Variants in ZC3H12A observed in about 807,000 individuals in gnomAD.
The protein encoded by ZC3H12A is endoribonuclease ZC3H12A.
A neutral mutation model predicts 29.9 loss-of-function variants in ZC3H12A; 9 were observed. The observed-to-expected ratio is 0.30, with a 90% CI of 0.18 to 0.53. The LOEUF (loss-of-function observed/expected upper bound fraction) is 0.53, where lower values mean the gene tolerates loss of function less well. Ranked by LOEUF, ZC3H12A falls within the 20% of genes least tolerant of loss-of-function variation. The pLI is 0.96. For synonymous variants in ZC3H12A, 323 were observed against 338.1 expected (o/e 0.96, Z 0.49); for missense variants, 617 against 799.0 (o/e 0.77, Z 2.75).
At position 37,475,541 on chromosome 1, in the gene ZC3H12A, C is replaced by T. The variant is rs1205138757; in HGVS notation, c.45C>T (p.Pro15=). ...AGAAGCCTGTCCTGGAAGCCAGCCC[C>T]ACCATGAGTCTGTGGGAATTTGAGG... is the stretch of plus-strand genomic sequence containing the variant. The part of the protein sequence containing the change: ...CGEKPVLEAS[P]TMSLWEFEDS... Residue 15 remains proline (P), a synonymous_variant, in exon 2 of 6, where the codon CCC becomes CCT. Coordinates refer to ENST00000373087, the MANE Select transcript of ZC3H12A (RefSeq NM_025079.3). This position sits in a 1 kb window ranked among gnomAD's most constrained non-coding sequence, Gnocchi z 5.2. The T allele has an allele frequency of 2.5e-6, 4 of 1,613,272 alleles. No homozygotes were observed. Among genetic ancestry groups the T allele is most frequent in the Admixed American group, 1.7e-5 (1 of 60,008 alleles).
chr1:37,476,787 C>T lies in ZC3H12A; in HGVS notation c.443+848C>T, dbSNP rs1398886101. On this transcript the variant is annotated intron_variant, in intron 2 of 5. Transcript: ENST00000373087. The surrounding 1 kb of genome is among the most constrained non-coding windows in gnomAD (Gnocchi z 6.0). ...CTCTGGCCCCACTTTTTTCCCAGTT[C>T]CCTCCAAGGCAGGCTGATGAGTCAG... Among the ~76,000 whole-genome samples the T allele has an allele frequency of 6.6e-6, 1 of 152,224 alleles. No individual in the cohort carries two copies. The highest frequency in any genetic ancestry group is 2.4e-5 in the African/African-American group (1 of 41,458).
rs576897855 is a variant in ZC3H12A at position 37,476,106 on chromosome 1, G to A, written c.443+167G>A. 1.9e-4 allele frequency among the ~76,000 whole-genome samples: 29 copies of A among 152,278 alleles called. No homozygotes were observed. Among genetic ancestry groups the A allele is most frequent in the Admixed American group, 7.8e-4 (12 of 15,294 alleles). On this transcript the variant is annotated intron_variant, in intron 2 of 5. Coordinates refer to ENST00000373087, the MANE Select transcript of ZC3H12A (RefSeq NM_025079.3). The surrounding 1 kb of genome is among the most constrained non-coding windows in gnomAD (Gnocchi z 6.0). Reference sequence around the variant, plus strand: ...AAGCCTTTTATGAGGCTAGGGTCGCGCTACTGGTAAGTGACAGAGGCAGGG... The same window carrying A: ...AAGCCTTTTATGAGGCTAGGGTCGCACTACTGGTAAGTGACAGAGGCAGGG...
At chr1:37,481,884 G>A (rs1348760170) in intron 4 of ZC3H12A, 49 bp downstream of exon 4, 1 of 1,563,216 alleles carries the variant, frequency 6.4e-7, no homozygotes, top group Non-Finnish European at 8.7e-7. Flanking sequence ...CACAGGGGAA[G>A]CCAGAGGTGC....
At chr1:37,480,875 T>C (rs1295948917) in intron 3 of ZC3H12A, among the ~76,000 whole-genome samples, 2 of 152,240 alleles carry the variant, frequency 1.3e-5, no homozygotes, top group African/African-American at 4.8e-5. Context: ...GTTGACAGCA[T>C]TGCCTTCCTC....
chr1:37,483,125 G>C lies in ZC3H12A; in HGVS notation c.1314G>C (p.Ser438=). The change falls in exon 6 of 6, where the codon TCG becomes TCC. Residue 438 remains serine (S), a synonymous_variant. Coordinates refer to ENST00000373087, the MANE Select transcript of ZC3H12A (RefSeq NM_025079.3). The part of the protein sequence containing the change: ...LPYVSQDCLD[S]GIGSLESQMS... ...ACGTCTCCCAGGATTGCCTGGACTC[G>C]GGCATTGGCTCCCTGGAGAGCCAGA... The C allele has an allele frequency of 6.2e-7, 1 of 1,613,538 alleles. No individual in the cohort carries two copies. The highest frequency in any genetic ancestry group is 8.5e-7 in the Non-Finnish European group (1 of 1,179,924).
rs1034253932 is a variant in ZC3H12A at position 37,479,865 on chromosome 1, C to T, written c.444-425C>T. 2.4e-5 allele frequency: 24 copies of T among 1,005,826 alleles called. No homozygotes were observed. In the Admixed American group the frequency reaches 9.9e-4, roughly 41 times the overall value. The allele number at this position is 1,005,826 out of a possible 1,614,324, so 62.3% of individuals were successfully genotyped here. A position where few individuals can be genotyped will look rare whatever the true frequency, so the allele number is the denominator to read the frequency against. On this transcript the variant is annotated intron_variant, in intron 2 of 5. Coordinates refer to ENST00000373087, the MANE Select transcript of ZC3H12A (RefSeq NM_025079.3). This position sits in a 1 kb window ranked among gnomAD's most constrained non-coding sequence, Gnocchi z 4.5. ...ATGTGTACATCTGTCCCTGTGGTCCCGGCAGCTCGCCGGGTGGGGCAGGAA... is the reference window on the plus strand; with the variant it reads ...ATGTGTACATCTGTCCCTGTGGTCCTGGCAGCTCGCCGGGTGGGGCAGGAA...
At position 37,483,604 on chromosome 1, in the gene ZC3H12A, G is replaced by A; in HGVS notation, c.1793G>A (p.Ser598Asn). 1.2e-6 allele frequency: 2 copies of A among 1,604,542 alleles called. No homozygotes were observed. Among genetic ancestry groups the A allele is most frequent in the Non-Finnish European group, 1.7e-6 (2 of 1,176,102 alleles). Residue 598 changes from serine to asparagine, a missense_variant, in exon 6 of 6, where the codon AGT (serine) becomes AAT (asparagine). By Grantham distance (46) the Ser-to-Asn change is conservative (BLOSUM62 1). Transcript: ENST00000373087. ...CTCTCCTACAAGTCCCAGCACCCCA[G>A]TGAGTAAGCTGCCTGTGGCTGGCAA... ...EILSYKSQHP[S>N]E
At chr1:37,481,315 C>T (rs1012622009) in intron 3 of ZC3H12A, among the ~76,000 whole-genome samples, 1 of 152,242 alleles carries the variant, frequency 6.6e-6, no homozygotes, top group Non-Finnish European at 1.5e-5. Context: ...CTTGAACAGG[C>T]CTGATGTCCA....
chr1:37,484,346 C>G lies in ZC3H12A; in HGVS notation c.*735C>G, dbSNP rs897926458. 6.6e-6 allele frequency: 1 copy of G among 152,218 alleles called. No homozygotes were observed. Among genetic ancestry groups the G allele is most frequent in the Non-Finnish European group, 1.5e-5 (1 of 68,050 alleles). The allele number at this position is 152,218 out of a possible 1,614,324, so 9.4% of individuals were successfully genotyped here. ...AAAGTCCTTACCTCCTGTAACACAT[C>G]AATAAAGTACAATCATTGTGAGCCC... On this transcript the variant is annotated 3_prime_UTR_variant, in exon 6 of 6. Coordinates refer to ENST00000373087, the MANE Select transcript of ZC3H12A (RefSeq NM_025079.3).
In ZC3H12A at chr1:37,483,171, C is replaced by G. The variant is rs1267108319; in HGVS notation, c.1360C>G (p.Arg454Gly). 1.9e-6 allele frequency: 3 copies of G among 1,613,320 alleles called. No homozygotes were observed. Among genetic ancestry groups the G allele is most frequent in the African/African-American group, 2.7e-5 (2 of 74,904 alleles). ...CCAGATGTCGGAACTTTGGGGGGTT[C>G]GAGGAGGAGGCCCTGGTGAGCCGGG... The part of the protein sequence containing the change: ...ESQMSELWGV[R>G]GGGPGEPGPP... The change falls in exon 6 of 6, where the codon CGA becomes GGA. Residue 454 changes from arginine to glycine, a missense_variant. By Grantham distance (125) the Arg-to-Gly change is moderately radical. Transcript: ENST00000373087.
chr1:37,476,532 C>G lies in ZC3H12A; in HGVS notation c.443+593C>G, dbSNP rs1043045658. ...GGTTGTGGGCAGGTGGCCTGATGCT[C>G]TGGCCTCAGGCGAGCTGCAACTTGG... On this transcript the variant is annotated intron_variant, in intron 2 of 5. Coordinates refer to ENST00000373087, the MANE Select transcript of ZC3H12A (RefSeq NM_025079.3). This position sits in a 1 kb window ranked among gnomAD's most constrained non-coding sequence, Gnocchi z 6.0. 6.6e-6 allele frequency among the ~76,000 whole-genome samples: 1 copy of G among 152,188 alleles called. No individual in the cohort carries two copies. The highest frequency in any genetic ancestry group is 1.5e-5 in the Non-Finnish European group (1 of 68,034).
In ZC3H12A at chr1:37,475,742, G is replaced by A; in HGVS notation, c.246G>A (p.Leu82=). Residue 82 remains leucine (L), a synonymous_variant, in exon 2 of 6, where the codon CTG becomes CTA. Transcript: ENST00000373087. This position sits in a 1 kb window ranked among gnomAD's most constrained non-coding sequence, Gnocchi z 5.2. ...TCCAGGCAGACACCAACACGGTGCT[G>A]GGTGAGCTGGTGAAACACGGGACAG... ...LGVQADTNTV[L]GELVKHGTAT... 4 of 1,613,926 alleles carry A rather than the reference G, an allele frequency of 2.5e-6. No homozygotes were observed. Among genetic ancestry groups the A allele is most frequent in the Non-Finnish European group, 3.4e-6 (4 of 1,180,028 alleles).
At position 37,484,358 on chromosome 1, in the gene ZC3H12A, A is replaced by G. The variant is rs931463567; in HGVS notation, c.*747A>G. On this transcript the variant is annotated 3_prime_UTR_variant, in exon 6 of 6. Coordinates refer to ENST00000373087, the MANE Select transcript of ZC3H12A (RefSeq NM_025079.3). The stretch of plus-strand genomic sequence containing the variant: ...TCCTGTAACACATCAATAAAGTACA[A>G]TCATTGTGAGCCCTTTCAAGAGGTG... 2.0e-5 allele frequency: 3 copies of G among 152,160 alleles called. No individual in the cohort carries two copies. The highest frequency in any genetic ancestry group is 1.3e-4 in the Admixed American group (2 of 15,276). The allele number at this position is 152,160 out of a possible 1,614,324, so 9.4% of individuals were successfully genotyped here.
intron 4 of ZC3H12A, 123 bp from the exon 5 acceptor site, chr1:37,482,311 A>G (rs961682190): frequency 6.0e-6 from 5 of 826,790 alleles, no homozygotes; most frequent in Middle Eastern, 5.4e-4. Context: ...GGTCCTGGAC[A>G]GGCCCCAGTT....
rs1042368513 is a variant in ZC3H12A at position 37,479,505 on chromosome 1, G to A, written c.444-785G>A. The A allele has an allele frequency of 3.0e-6, 3 of 985,458 alleles. No individual in the cohort carries two copies. The highest frequency in any genetic ancestry group is 3.6e-6 in the Non-Finnish European group (3 of 829,932). 61.0% of individuals were successfully genotyped at this position (985,458 alleles called of 1,614,324 possible). A position where few individuals can be genotyped will look rare whatever the true frequency, so the allele number is the denominator to read the frequency against. On this transcript the variant is annotated intron_variant, in intron 2 of 5. Transcript: ENST00000373087. This position sits in a 1 kb window ranked among gnomAD's most constrained non-coding sequence, Gnocchi z 4.5. ...TGCCTTACTCAGCTGTCCTTGCTAA[G>A]AGTCCCCTAGCATCTTCCTGATGGT...
chr1:37,479,451 G>T lies in ZC3H12A; in HGVS notation c.444-839G>T. ...GTGCAGCCACCTGTGGGTGGGGCGC[G>T]GCCTCGTCTGAGACCAAGGCAGGGC... On this transcript the variant is annotated intron_variant, in intron 2 of 5. Transcript: ENST00000373087. The surrounding 1 kb of genome is among the most constrained non-coding windows in gnomAD (Gnocchi z 4.5). 1 of 985,436 alleles carries T rather than the reference G, an allele frequency of 1.0e-6. No individual in the cohort carries two copies. The highest frequency in any genetic ancestry group is 1.2e-6 in the Non-Finnish European group (1 of 829,940). 61.0% of individuals were successfully genotyped at this position (985,436 alleles called of 1,614,324 possible). A position where few individuals can be genotyped will look rare whatever the true frequency, so the allele number is the denominator to read the frequency against.
At position 37,479,997 on chromosome 1, in the gene ZC3H12A, C is replaced by T; in HGVS notation, c.444-293C>T. 1 of 1,134,590 alleles carries T rather than the reference C, an allele frequency of 8.8e-7. No individual in the cohort carries two copies. Among genetic ancestry groups the T allele is most frequent in the East Asian group, 4.7e-5 (1 of 21,238 alleles). 70.3% of individuals were successfully genotyped at this position (1,134,590 alleles called of 1,614,324 possible). On this transcript the variant is annotated intron_variant, in intron 2 of 5. Coordinates refer to ENST00000373087, the MANE Select transcript of ZC3H12A (RefSeq NM_025079.3). The surrounding 1 kb of genome is among the most constrained non-coding windows in gnomAD (Gnocchi z 4.5). Reference sequence around the variant, plus strand: ...TGCCAGCTTCCTGGGCGCTTCCTCACTTTCAGGAGATGGAGCCTCAGGGAA... The same window carrying T: ...TGCCAGCTTCCTGGGCGCTTCCTCATTTTCAGGAGATGGAGCCTCAGGGAA...
At chr1:37,480,175 A>G (rs1162261100) in intron 2 of ZC3H12A, 115 bp from the exon 3 acceptor site, 3 of 1,492,522 alleles carry the variant, frequency 2.0e-6, no homozygotes, top group African/African-American at 1.4e-5. Context: ...ACTGCTCACT[A>G]CCACCACCAA....
At chr1:37,477,468 G>A (rs939217545) in intron 2 of ZC3H12A, among the ~76,000 whole-genome samples, 1 of 152,140 alleles carries the variant, frequency 6.6e-6, no homozygotes, top group Non-Finnish European at 1.5e-5. Context: ...GCTGCTACTC[G>A]GTTCCTGCCC....
Sources: allele counts gnomAD v4.1 joint callset (sites outside exome capture counted in the v4.1 genomes callset), GRCh38; gene constraint gnomAD v4.1.1; non-coding constraint Gnocchi (gnomAD v3.1); transcripts MANE v1.5; gene names NCBI Gene and HGNC (gene_info 2026-07-23, HGNC 2026-07-21).